PPP2CA: variants seen among roughly 807,000 people sequenced by gnomAD.
The protein encoded by PPP2CA is protein phosphatase 2 catalytic subunit alpha, also known as serine/threonine-protein phosphatase 2A catalytic subunit alpha isoform.
In PPP2CA, 5 loss-of-function variants were observed where a neutral mutation model predicts 38.8. That is an observed-to-expected ratio of 0.13 (90% confidence interval 0.07 to 0.27). The LOEUF (loss-of-function observed/expected upper bound fraction) is 0.27, where lower values mean the gene tolerates loss of function less well. Ranked by LOEUF, PPP2CA falls within the 10% of genes least tolerant of loss-of-function variation. The pLI, the probability that PPP2CA is intolerant of heterozygous loss-of-function variation, is 1.00. For synonymous variants in PPP2CA, 152 were observed against 134.0 expected, an observed-to-expected ratio of 1.13 and a Z score of -0.93; for missense variants, 88 against 389.7, an observed-to-expected ratio of 0.23 and a Z score of 6.52.
intron 1 of PPP2CA, among the ~76,000 whole-genome samples, chr5:134,213,673 C>T (rs1455626307): frequency 6.6e-6 from 1 of 151,802 alleles, no homozygotes; most frequent in Non-Finnish European, 1.5e-5. Context: ...GTCCCAGCTG[C>T]TAAGGAGGCT....
intron 1 of PPP2CA, among the ~76,000 whole-genome samples, chr5:134,207,300 G>A (rs1762103905): frequency 6.6e-6 from 1 of 152,216 alleles, no homozygotes; most frequent in South Asian, 2.1e-4. Flanking sequence ...AGCTACTTGG[G>A]AGGCTGAGGC....
intron 1 of PPP2CA, 35 bp downstream of exon 1, chr5:134,225,725 C>T: frequency 6.3e-7 from 1 of 1,579,020 alleles, no homozygotes; most frequent in Non-Finnish European, 8.6e-7. Context: ...GGGCTCGGCC[C>T]CGCGGCGGCT....
At chr5:134,204,677 T>C (rs1227267936) in intron 2 of PPP2CA, among the ~76,000 whole-genome samples, 1 of 152,058 alleles carries the variant, frequency 6.6e-6, no homozygotes, top group Non-Finnish European at 1.5e-5. Flanking sequence ...ACGCTGTTCT[T>C]AAACTCCTGG....
chr5:134,211,389 A>T (rs2149385985), intron 1 of PPP2CA, among the ~76,000 whole-genome samples: 1 of 152,334 alleles, frequency 6.6e-6, no homozygotes, highest in Middle Eastern at 3.4e-3. Context: ...ACAGGCCATC[A>T]TAACCACTGT....
chr5:134,225,597 G>T (rs1276225084), intron 1 of PPP2CA, 163 bp downstream of exon 1: 1 of 542,340 alleles, frequency 1.8e-6, no homozygotes, highest in Non-Finnish European at 3.1e-6. Context: ...GGCAGGGGGC[G>T]CCGGGTCGTT....
rs987827279 is a variant in PPP2CA, at chr5:134,219,909, G to T, written c.102+5851C>A. ...GCCTGTAATCCCAGCTACTCAGGAG[G>T]CTGAGGCAGGAGAAACACTTGAACG... On this transcript the variant is annotated intron_variant, in intron 1 of 6. Coordinates refer to ENST00000481195, the MANE Select transcript of PPP2CA (RefSeq NM_002715.4). 3.3e-5 allele frequency among the ~76,000 whole-genome samples: 5 copies of T among 151,358 alleles called. No homozygotes were observed. In the South Asian group the frequency reaches 1.0e-3, roughly 32 times the overall value.
At chr5:134,224,308 A>T (rs1230802517) in intron 1 of PPP2CA, 1 of 455,862 alleles carries the variant, frequency 2.2e-6, no homozygotes, top group Non-Finnish European at 4.4e-6. Context: ...CATCGCTACC[A>T]TTAAAAGGCA....
intron 1 of PPP2CA, among the ~76,000 whole-genome samples, chr5:134,218,210 A>G (rs1408795871): frequency 6.6e-6 from 1 of 152,252 alleles, no homozygotes; most frequent in African/African-American, 2.4e-5. Flanking sequence ...GTTATATTTT[A>G]AAAGTTTAAC....
intron 6 of PPP2CA, among the ~76,000 whole-genome samples, chr5:134,198,592 G>T (rs1161902945): frequency 6.6e-6 from 1 of 151,870 alleles, no homozygotes; most frequent in Non-Finnish European, 1.5e-5. Flanking sequence ...TTGAGACGAA[G>T]TCTCGCTCTG....
chr5:134,200,102 T>TC (rs1761942161), intron 5 of PPP2CA, among the ~76,000 whole-genome samples: 1 of 152,184 alleles, frequency 6.6e-6, no homozygotes, highest in Admixed American at 6.5e-5. Context: ...CTCAAGTACT[T>TC]CCTAGTCATT....
chr5:134,204,702 TCCCGCCTTC>T (rs1306576202), intron 2 of PPP2CA, among the ~76,000 whole-genome samples: 2 of 152,048 alleles, frequency 1.3e-5, no homozygotes, highest in African/African-American at 4.8e-5. Flanking sequence ...AAGTGATCCT[TCCCGCCTTC>T]CCCAGCCTCC....
At chr5:134,213,580 G>T (rs1009768129) in intron 1 of PPP2CA, among the ~76,000 whole-genome samples, 2 of 151,982 alleles carry the variant, frequency 1.3e-5, no homozygotes, top group African/African-American at 4.8e-5. Flanking sequence ...GAGCTCAGGA[G>T]TTCAAGATCA....
intron 1 of PPP2CA, among the ~76,000 whole-genome samples, chr5:134,210,545 T>C (rs976062083): frequency 1.3e-5 from 2 of 152,180 alleles, no homozygotes; most frequent in African/African-American, 2.4e-5. Context: ...ATAAAGTTTT[T>C]AAAAGAATGT....
At chr5:134,198,113 G>A (rs1761892023) in intron 6 of PPP2CA, among the ~76,000 whole-genome samples, 3 of 152,040 alleles carry the variant, frequency 2.0e-5, no homozygotes, top group Non-Finnish European at 2.9e-5. Flanking sequence ...ATGGTTGGCC[G>A]GGCGCAGTGG....
At chr5:134,211,566 T>A (rs1561739764) in intron 1 of PPP2CA, among the ~76,000 whole-genome samples, 1 of 150,478 alleles carries the variant, frequency 6.6e-6, no homozygotes, top group Non-Finnish European at 1.5e-5. Context: ...AACCTCCGCC[T>A]CCTAGGTTCA....
chr5:134,220,448 CTCTA>C (rs1363801090), intron 1 of PPP2CA, among the ~76,000 whole-genome samples: 1 of 37,280 alleles, frequency 2.7e-5, no homozygotes, highest in Non-Finnish European at 5.7e-5. Flanking sequence ...GACTGTGAGA[CTCTA>C]TCTCAAAAAA....
intron 1 of PPP2CA, among the ~76,000 whole-genome samples, chr5:134,220,265 C>T (rs972286292): frequency 6.6e-6 from 1 of 151,626 alleles, no homozygotes; most frequent in African/African-American, 2.4e-5. Flanking sequence ...TCAAGACCAG[C>T]CTGGCCAACA....
At chr5:134,210,288 C>CTCAAAT (rs1762176632) in intron 1 of PPP2CA, among the ~76,000 whole-genome samples, 1 of 152,156 alleles carries the variant, frequency 6.6e-6, no homozygotes, top group Non-Finnish European at 1.5e-5. Context: ...TAGTTTAATA[C>CTCAAAT]TCAAAGTAAA....
intron 1 of PPP2CA, among the ~76,000 whole-genome samples, chr5:134,220,915 T>C (rs944446195): frequency 2.0e-5 from 3 of 152,214 alleles, no homozygotes; most frequent in Non-Finnish European, 2.9e-5. Context: ...TCTGAAAACA[T>C]ACAATTCTGG....
Sources: allele counts gnomAD v4.1 joint callset (sites outside exome capture counted in the v4.1 genomes callset), GRCh38; gene constraint gnomAD v4.1.1; transcripts MANE v1.5; gene names NCBI Gene and HGNC (gene_info 2026-07-23, HGNC 2026-07-21).